Variants in SHISA9 observed in about 807,000 individuals in gnomAD.
SHISA9 encodes the protein shisa family member 9.
SHISA9 carries 13 observed loss-of-function variants against 38.0 expected under a neutral mutation model. The observed-to-expected ratio is 0.34, with a 90% CI of 0.22 to 0.54. The LOEUF is 0.54. SHISA9 is among the 20% of genes least tolerant of loss of function. The pLI, the probability that SHISA9 is intolerant of heterozygous loss-of-function variation, is 0.91. For missense variants in SHISA9, 538 were observed against 575.8 expected (o/e 0.93, Z 0.67); for synonymous variants, 275 against 242.0 (o/e 1.14, Z -1.27).
chr16:13,085,273 C>A (rs1327245036), intron 2 of SHISA9, among the ~76,000 whole-genome samples: 3 of 151,718 alleles, frequency 2.0e-5, no homozygotes, highest in African/African-American at 7.3e-5. Context: ...TATGTCGATA[C>A]CTATACTCCA....
At chr16:13,362,769 C>T in the SHISA9 span, among the ~76,000 whole-genome samples, 1 of 152,180 alleles carries the variant, frequency 6.6e-6, no homozygotes, top group African/African-American at 2.4e-5. Context: ...TCTCTCCCAA[C>T]TCCTGGAGCA....
chr16:13,227,538 A>G (rs1199642710), intron 4 of SHISA9, among the ~76,000 whole-genome samples: 1 of 152,202 alleles, frequency 6.6e-6, no homozygotes, highest in Non-Finnish European at 1.5e-5. Flanking sequence ...GGGTTCAGGG[A>G]TGACAACCTT....
At chr16:13,198,001 A>G (rs1264758626) in intron 2 of SHISA9, among the ~76,000 whole-genome samples, 1 of 152,128 alleles carries the variant, frequency 6.6e-6, no homozygotes, top group Non-Finnish European at 1.5e-5. Flanking sequence ...CCTGGCCAAC[A>G]TGGAGAAGCC....
chr16:13,372,398 C>T, the SHISA9 span, among the ~76,000 whole-genome samples: 5 of 152,162 alleles, frequency 3.3e-5, no homozygotes, highest in African/African-American at 1.2e-4. Context: ...TAAGGTAAGT[C>T]CAGGTGATAT....
At position 12,902,043 on chromosome 16, in the gene SHISA9, C is replaced by T; in HGVS notation, c.-22C>T. 6.9e-7 allele frequency: 1 copy of T among 1,447,234 alleles called. No individual in the cohort carries two copies. Among genetic ancestry groups the T allele is most frequent in the Non-Finnish European group, 9.0e-7 (1 of 1,107,090 alleles). The allele number at this position is 1,447,234 out of a possible 1,614,324, so 89.6% of individuals were successfully genotyped here. Reference sequence around the variant, plus strand: ...GAGGCTCCAGCGGCGGCCGAGCGGCCGAGCCCGGGCTGGGAGACACCATGC... The same window carrying T: ...GAGGCTCCAGCGGCGGCCGAGCGGCTGAGCCCGGGCTGGGAGACACCATGC... On this transcript the variant is annotated 5_prime_UTR_variant, in exon 1 of 5. Transcript: ENST00000558583.
intron 2 of SHISA9, among the ~76,000 whole-genome samples, chr16:13,097,181 C>T (rs2073836507): frequency 6.6e-6 from 1 of 152,094 alleles, no homozygotes; most frequent in Non-Finnish European, 1.5e-5. Context: ...CACAATGGTC[C>T]TTGGAGACTA....
chr16:13,182,892 C>G (rs2050789983), intron 2 of SHISA9, among the ~76,000 whole-genome samples: 1 of 152,206 alleles, frequency 6.6e-6, no homozygotes, highest in African/African-American at 2.4e-5. Context: ...CACTCAGGGT[C>G]TGTCACACAG....
the SHISA9 span, among the ~76,000 whole-genome samples, chr16:13,333,438 C>T: frequency 2.6e-5 from 4 of 152,204 alleles, no homozygotes; most frequent in African/African-American, 7.2e-5. Context: ...TGTATGGATC[C>T]CAGACACTGC....
chr16:13,160,623 C>T (rs578257620), intron 2 of SHISA9, among the ~76,000 whole-genome samples: 2 of 152,218 alleles, frequency 1.3e-5, no homozygotes, highest in Non-Finnish European at 2.9e-5. Context: ...AAGTATGGTG[C>T]GTGAGAACCA....
At chr16:13,015,784 A>G (rs2072735411) in intron 2 of SHISA9, among the ~76,000 whole-genome samples, 1 of 151,150 alleles carries the variant, frequency 6.6e-6, no homozygotes, top group African/African-American at 2.4e-5. Context: ...CAATTTCACA[A>G]AGAGAAATTT....
Position 13,178,852 on chromosome 16 carries a change from T to C in SHISA9, c.692-24542T>C, listed in dbSNP as rs1344607212. ...TTCAGAGGCCAGGTTTTTGTTGTTG[T>C]TGTTGTTGTTGTTTGTTTTTTTCTG... On this transcript the variant is annotated intron_variant, in intron 2 of 4. Coordinates refer to ENST00000558583, the MANE Select transcript of SHISA9 (RefSeq NM_001145204.3). 3.3e-5 allele frequency among the ~76,000 whole-genome samples: 5 copies of C among 152,140 alleles called. No individual in the cohort carries two copies. The South Asian group carries it at 1.0e-3, about 32-fold the overall frequency.
intron 2 of SHISA9, among the ~76,000 whole-genome samples, chr16:13,128,873 G>A (rs771599395): frequency 2.6e-5 from 4 of 152,194 alleles, no homozygotes; most frequent in East Asian, 1.9e-4. Context: ...GGAACTTGGC[G>A]CTGCCATATC....
chr16:13,193,501 T>C (rs1259358439), intron 2 of SHISA9, among the ~76,000 whole-genome samples: 1 of 152,012 alleles, frequency 6.6e-6, no homozygotes, highest in East Asian at 1.9e-4. Context: ...ACAGCTACCA[T>C]GCCCGGCTAA....
the SHISA9 span, among the ~76,000 whole-genome samples, chr16:13,514,452 T>C: frequency 3.9e-5 from 6 of 152,178 alleles, no homozygotes; most frequent in African/African-American, 1.4e-4. Context: ...TAAAAGAATA[T>C]TATAAGTGTA....
At chr16:13,019,993 T>TTCCC (rs2141864754) in intron 2 of SHISA9, among the ~76,000 whole-genome samples, 1 of 130,894 alleles carries the variant, frequency 7.6e-6, no homozygotes, top group South Asian at 2.6e-4. Context: ...CCTTCCTTCC[T>TTCCC]TCCTTCCTTC....
rs570909442 is a variant in SHISA9 at position 13,158,799 on chromosome 16, A to G, written c.692-44595A>G. ...AGCCCAGGCATGGTGGCTCACGCCT[A>G]TAATCCCAGCACTTTGGGAGGCTGA... On this transcript the variant is annotated intron_variant, in intron 2 of 4. Coordinates refer to ENST00000558583, the MANE Select transcript of SHISA9 (RefSeq NM_001145204.3). 4.6e-5 allele frequency among the ~76,000 whole-genome samples: 7 copies of G among 151,834 alleles called. No homozygotes were observed. The East Asian group carries it at 9.7e-4, about 21-fold the overall frequency.
the SHISA9 span, among the ~76,000 whole-genome samples, chr16:13,268,280 C>T: frequency 2.0e-5 from 3 of 152,112 alleles, no homozygotes; most frequent in Non-Finnish European, 4.4e-5. Context: ...GAGGCCAAGG[C>T]GAGTATATCA....
the SHISA9 span, among the ~76,000 whole-genome samples, chr16:13,268,858 T>G: frequency 6.6e-6 from 1 of 152,202 alleles, no homozygotes; most frequent in African/African-American, 2.4e-5. Context: ...ACATATTACG[T>G]GTCCAATTGG....
rs547373740 is a variant in SHISA9 at position 13,176,893 on chromosome 16, C to T, written c.692-26501C>T. 2.6e-5 allele frequency among the ~76,000 whole-genome samples: 4 copies of T among 152,264 alleles called. No homozygotes were observed. The South Asian group carries it at 8.3e-4, about 32-fold the overall frequency. On this transcript the variant is annotated intron_variant, in intron 2 of 4. Transcript: ENST00000558583. ...ATCTAATGTTGAGACAATAATGAAG[C>T]CATGATGCTGAGTCGCTGTTATTCA...
Sources: allele counts gnomAD v4.1 joint callset (sites outside exome capture counted in the v4.1 genomes callset), GRCh38; gene constraint gnomAD v4.1.1; transcripts MANE v1.5; gene names NCBI Gene and HGNC (gene_info 2026-07-23, HGNC 2026-07-21).